Variants in NHSL1 observed in about 807,000 individuals in gnomAD.
NHSL1 encodes the protein NHS like 1, also known as NHS-like protein 1.
Under a neutral mutation model 95.0 loss-of-function variants are expected in NHSL1, and 48 were observed. The observed-to-expected ratio is 0.51, with a 90% confidence interval of 0.40 to 0.64. The LOEUF is 0.64. Ranked by LOEUF, NHSL1 falls within the 30% of genes least tolerant of loss-of-function variation. The probability of loss-of-function intolerance (pLI) is 0.00; values close to 1 mark genes in which losing one functional copy is unlikely to be tolerated. For synonymous variants in NHSL1, 783 were observed against 833.9 expected (o/e 0.94, Z 1.05); for missense variants, 1,971 against 2,077.7 (o/e 0.95, Z 1.00).
intron 1 of NHSL1, among the ~76,000 whole-genome samples, chr6:138,554,207 T>C (rs1783112481): frequency 6.6e-6 from 1 of 152,186 alleles, no homozygotes; most frequent in Admixed American, 6.5e-5. Context: ...CACATAAAAA[T>C]AACCTCATAG....
intron 1 of NHSL1, chr6:138,650,748 T>C (rs753625708): frequency 5.5e-6 from 3 of 545,448 alleles, no homozygotes; most frequent in African/African-American, 1.9e-5. Flanking sequence ...GGAGGTCTCC[T>C]TCACAACTTT....
chr6:138,555,369 C>G lies in NHSL1; in HGVS notation c.202+16341G>C, dbSNP rs548787194. The stretch of plus-strand genomic sequence containing the variant: ...ATTAACTATAATAAGTCTACAGCCA[C>G]TCAAGAGGGAAAAAGTTCCAAGTCA... On this transcript the variant is annotated intron_variant, in intron 1 of 6. Coordinates refer to the NHSL1 transcript ENST00000427025. 6.6e-5 allele frequency among the ~76,000 whole-genome samples: 10 copies of G among 152,282 alleles called. No homozygotes were observed. In the South Asian group the frequency reaches 2.1e-3, roughly 32 times the overall value.
chr6:138,685,020 A>G (rs906996125), intron 1 of NHSL1, among the ~76,000 whole-genome samples: 2 of 152,172 alleles, frequency 1.3e-5, no homozygotes, highest in African/African-American at 4.8e-5. Flanking sequence ...TTTTTTAAAC[A>G]TAATAAAATG....
intron 2 of NHSL1, among the ~76,000 whole-genome samples, chr6:138,474,410 T>A (rs924951900): frequency 9.9e-5 from 15 of 152,096 alleles, no homozygotes; most frequent in African/African-American, 3.4e-4. Context: ...TGATTCTTCC[T>A]CAAAGAGGAG....
At chr6:138,523,779 T>C (rs1781791201) in intron 1 of NHSL1, among the ~76,000 whole-genome samples, 1 of 152,160 alleles carries the variant, frequency 6.6e-6, no homozygotes, top group South Asian at 2.1e-4. Context: ...GGATGTGACA[T>C]CTCCTTTGAA....
intron 1 of NHSL1, among the ~76,000 whole-genome samples, chr6:138,553,427 G>C (rs1314285437): frequency 6.6e-6 from 1 of 152,172 alleles, no homozygotes; most frequent in Admixed American, 6.5e-5. Context: ...GGCTGGCATG[G>C]TATTACAATT....
chr6:138,619,401 T>C (rs1396502240), intron 1 of NHSL1, among the ~76,000 whole-genome samples: 3 of 152,196 alleles, frequency 2.0e-5, no homozygotes, highest in Non-Finnish European at 4.4e-5. Flanking sequence ...GACCTATTTA[T>C]AGGAGCAGCA....
At chr6:138,503,884 CT>C (rs369010967), upstream of NHSL1, among the ~76,000 whole-genome samples, 67 of 150,066 alleles carry the variant, frequency 4.5e-4, no homozygotes, top group African/African-American at 1.3e-3. Context: ...GGACTATCAT[CT>C]TTTTTTTTTC....
In NHSL1 at chr6:138,432,929, A is replaced by T; in HGVS notation, c.1416T>A (p.Asn472Lys). Residue 472 changes from asparagine (N) to lysine (K), a missense_variant, in exon 6 of 8, where the codon AAT becomes AAA. By Grantham distance (94) the Asn-to-Lys change is moderately conservative. Coordinates refer to ENST00000343505, the MANE Select transcript of NHSL1 (RefSeq NM_001144060.2). The surrounding 1 kb of genome is among the most constrained non-coding windows in gnomAD (Gnocchi z 4.4). ...GTGAAAGAATGGTGGCATGGCCCTC[A>T]TTCCAGTGGCGACCGGGAGACTGAG... ...GDPQSPGRHW[N>K]EGHATILSQD... 6.4e-7 allele frequency: 1 copy of T among 1,551,572 alleles called. No individual in the cohort carries two copies. Among genetic ancestry groups the T allele is most frequent in the Non-Finnish European group, 8.7e-7 (1 of 1,146,876 alleles).
chr6:138,445,883 TATTAGTC>T (rs1232416310), intron 4 of NHSL1, among the ~76,000 whole-genome samples: 3 of 152,228 alleles, frequency 2.0e-5, no homozygotes, highest in African/African-American at 7.2e-5. Flanking sequence ...CAATGACCAC[TATTAGTC>T]ATCTGCTTCC....
At chr6:138,612,038 A>C (rs1299121223) in intron 1 of NHSL1, among the ~76,000 whole-genome samples, 1 of 140,386 alleles carries the variant, frequency 7.1e-6, no homozygotes, top group East Asian at 2.2e-4. Context: ...TGAACCCAAG[A>C]GGCGGAGGTT....
chr6:138,600,907 G>A (rs7758889), intron 1 of NHSL1, among the ~76,000 whole-genome samples: 1,919 of 152,244 alleles, frequency 0.013, 49 homozygotes, highest in African/African-American at 0.044. Flanking sequence ...AAATCACTGT[G>A]TGTCAGAATA....
At chr6:138,493,800 CTT>C (rs1562325045) in intron 2 of NHSL1, among the ~76,000 whole-genome samples, 1 of 152,190 alleles carries the variant, frequency 6.6e-6, no homozygotes. Context: ...CTAGAAGAAA[CTT>C]TGGTTGGATT....
chr6:138,480,902 C>T (rs1779380012), intron 2 of NHSL1, among the ~76,000 whole-genome samples: 1 of 152,148 alleles, frequency 6.6e-6, no homozygotes, highest in Non-Finnish European at 1.5e-5. Flanking sequence ...CAATAATTCT[C>T]TGAGAATTGA....
intron 1 of NHSL1, among the ~76,000 whole-genome samples, chr6:138,602,498 C>A (rs1053344116): frequency 6.6e-6 from 1 of 152,064 alleles, no homozygotes; most frequent in Non-Finnish European, 1.5e-5. Flanking sequence ...CCTGCCACCA[C>A]GCCCAGCTAA....
At chr6:138,613,225 T>C (rs1041067300) in intron 1 of NHSL1, among the ~76,000 whole-genome samples, 2 of 152,148 alleles carry the variant, frequency 1.3e-5, no homozygotes. Context: ...CAAGCCAACA[T>C]TTTAGGTAGT....
At chr6:138,507,887 G>A (rs1781038396) in intron 1 of NHSL1, among the ~76,000 whole-genome samples, 3 of 152,060 alleles carry the variant, frequency 2.0e-5, no homozygotes, top group South Asian at 2.1e-4. Flanking sequence ...GGACAGAAAG[G>A]GGAACCTTAG....
chr6:138,644,017 A>G (rs1308243175), intron 1 of NHSL1, among the ~76,000 whole-genome samples: 1 of 151,248 alleles, frequency 6.6e-6, no homozygotes, highest in Non-Finnish European at 1.5e-5. Context: ...AAAAAAAAAA[A>G]GCTAAGCAGC....
chr6:138,495,047 A>G (rs1022137388), intron 2 of NHSL1, among the ~76,000 whole-genome samples: 1 of 152,162 alleles, frequency 6.6e-6, no homozygotes, highest in African/African-American at 2.4e-5. Context: ...GTTTGAGACT[A>G]GCCTGGGCAA....
Sources: allele counts gnomAD v4.1 joint callset (sites outside exome capture counted in the v4.1 genomes callset), GRCh38; gene constraint gnomAD v4.1.1; non-coding constraint Gnocchi (gnomAD v3.1); transcripts MANE v1.5; gene names NCBI Gene and HGNC (gene_info 2026-07-23, HGNC 2026-07-21).